TCERG1L: variants seen among roughly 807,000 people sequenced by gnomAD.
TCERG1L encodes the protein transcription elongation regulator 1-like protein.
TCERG1L carries 37 observed loss-of-function variants against 56.3 expected under a neutral mutation model. The ratio of observed to expected loss-of-function variants is 0.66; its 90% CI spans 0.51 to 0.87. The LOEUF is 0.87. Among genes scored for constraint, TCERG1L ranks in the 40% least tolerant of loss-of-function variants. The pLI is 0.00. For missense variants in TCERG1L, 799 were observed against 774.2 expected (o/e 1.03, Z -0.38); for synonymous variants, 324 against 326.3 (o/e 0.99, Z 0.08).
intron 5 of TCERG1L, 106 bp from the exon 6 acceptor site, chr10:131,163,316 T>G (rs980523276): frequency 4.4e-6 from 4 of 900,556 alleles, no homozygotes; most frequent in Non-Finnish European, 6.5e-6. Context: ...GCAGGCAGCT[T>G]ATAGTAGCCA....
chr10:131,194,005 A>C (rs1041356640), intron 4 of TCERG1L, among the ~76,000 whole-genome samples: 1 of 152,236 alleles, frequency 6.6e-6, no homozygotes, highest in Non-Finnish European at 1.5e-5. Flanking sequence ...TGAGATTCTG[A>C]TAATGTTGCC....
intron 4 of TCERG1L, among the ~76,000 whole-genome samples, chr10:131,216,652 T>TA (rs1845672335): frequency 6.6e-6 from 1 of 152,174 alleles, no homozygotes; most frequent in South Asian, 2.1e-4. Flanking sequence ...GAGAGGGGAT[T>TA]AAACATAGCT....
Position 131,239,858 on chromosome 10 carries a change from C to T in TCERG1L, c.856+20401G>A, listed in dbSNP as rs544105824. Among the ~76,000 whole-genome samples the T allele has an allele frequency of 1.1e-3, 168 of 152,326 alleles. 1 individual carries two copies. Among genetic ancestry groups the T allele is most frequent in the African/African-American group, 3.7e-3 (152 of 41,582 alleles). On this transcript the variant is annotated intron_variant, in intron 4 of 11. Transcript: ENST00000368642. ...AGGCTCCCTCATGGCCCCTAGAAAG[C>T]GTGCATTATCTTACTACAGCCCCTA...
chr10:131,204,600 C>T lies in TCERG1L; in HGVS notation c.857-37715G>A, dbSNP rs568678489. The stretch of plus-strand genomic sequence containing the variant: ...TCACTGTGTGGGCTCCAGTGGGGCA[C>T]GGAGCCAGCTCAGATCCAAAGGTGT... On this transcript the variant is annotated intron_variant, in intron 4 of 11. Coordinates refer to ENST00000368642, the MANE Select transcript of TCERG1L (RefSeq NM_174937.4). Among the ~76,000 whole-genome samples, 39 of 152,336 alleles carry T rather than the reference C, an allele frequency of 2.6e-4. 1 individual carries two copies. The South Asian group carries it at 3.3e-3, about 13-fold the overall frequency.
intron 3 of TCERG1L, among the ~76,000 whole-genome samples, chr10:131,264,058 G>GT (rs5789079): frequency 1 from 148,042 of 148,042 alleles, 74,021 homozygotes; most frequent in Non-Finnish European, 1. Context: ...AGGGAGGGCT[G>GT]AAACACGCAA....
At chr10:131,171,402 C>T (rs1846091912) in intron 4 of TCERG1L, among the ~76,000 whole-genome samples, 2 of 152,058 alleles carry the variant, frequency 1.3e-5, no homozygotes, top group African/African-American at 4.8e-5. Flanking sequence ...CCCGAGGCAC[C>T]TGTTCTCCTA....
intron 4 of TCERG1L, among the ~76,000 whole-genome samples, chr10:131,253,190 C>T (rs2918088): frequency 0.4 from 61,471 of 152,094 alleles, 13,320 homozygotes; most frequent in African/African-American, 0.56. Context: ...TCGCAGCCAC[C>T]GGGTGATTGA....
At chr10:131,214,260 G>C (rs78629884) in intron 4 of TCERG1L, among the ~76,000 whole-genome samples, 1 of 152,034 alleles carries the variant, frequency 6.6e-6, no homozygotes, top group African/African-American at 2.4e-5. Context: ...TCCACTGCAC[G>C]CCCTGCCCCC....
chr10:131,185,906 C>G (rs559514726), intron 4 of TCERG1L, among the ~76,000 whole-genome samples: 7 of 152,150 alleles, frequency 4.6e-5, no homozygotes, highest in Non-Finnish European at 8.8e-5. Context: ...TACTTTTAAA[C>G]AAATGTTCAC....
intron 9 of TCERG1L, among the ~76,000 whole-genome samples, chr10:131,114,870 C>A (rs1845439642): frequency 6.6e-6 from 1 of 152,234 alleles, no homozygotes; most frequent in African/African-American, 2.4e-5. Context: ...TTTCAGCAAA[C>A]ACGAGTCATG....
chr10:131,108,575 A>G (rs1161302816), intron 9 of TCERG1L, among the ~76,000 whole-genome samples: 3 of 152,198 alleles, frequency 2.0e-5, no homozygotes, highest in Non-Finnish European at 4.4e-5. Context: ...GCGGCTGACC[A>G]GTGCCCAGTG....
intron 11 of TCERG1L, among the ~76,000 whole-genome samples, chr10:131,094,756 TGTAACC>T (rs1286015210): frequency 2.0e-5 from 3 of 152,126 alleles, no homozygotes; most frequent in African/African-American, 7.2e-5. Flanking sequence ...CCTTTACTGA[TGTAACC>T]ACCTTGGTGT....
intron 4 of TCERG1L, among the ~76,000 whole-genome samples, chr10:131,169,277 C>A (rs930746454): frequency 1.3e-5 from 2 of 148,306 alleles, no homozygotes; most frequent in Non-Finnish European, 3.0e-5. Flanking sequence ...CAGATGGGGA[C>A]ACAGCCATGC....
chr10:131,100,202 A>G (rs1798100401), intron 10 of TCERG1L, among the ~76,000 whole-genome samples: 1 of 152,222 alleles, frequency 6.6e-6, no homozygotes, highest in South Asian at 2.1e-4. Context: ...GCAAATAGCA[A>G]TGTAAGTTCT....
At chr10:131,289,777 T>TGTGTGA (rs1846590880) in intron 3 of TCERG1L, among the ~76,000 whole-genome samples, 1 of 45,502 alleles carries the variant, frequency 2.2e-5, no homozygotes, top group African/African-American at 6.0e-5. Context: ...CCTATCGGTG[T>TGTGTGA]GAGTGTATGT....
At chr10:131,110,718 T>C (rs1183327655) in intron 9 of TCERG1L, among the ~76,000 whole-genome samples, 1 of 152,204 alleles carries the variant, frequency 6.6e-6, no homozygotes, top group Non-Finnish European at 1.5e-5. Flanking sequence ...AGTCCCGGCT[T>C]CACCAAAAGC....
At chr10:131,108,102 G>A (rs1175015167) in intron 9 of TCERG1L, among the ~76,000 whole-genome samples, 2 of 152,146 alleles carry the variant, frequency 1.3e-5, no homozygotes, top group South Asian at 2.1e-4. Context: ...CGTCTATGTC[G>A]TGGGACTGTT....
At chr10:131,147,122 A>G (rs1340891255) in intron 6 of TCERG1L, among the ~76,000 whole-genome samples, 2 of 152,152 alleles carry the variant, frequency 1.3e-5, no homozygotes, top group Non-Finnish European at 2.9e-5. Flanking sequence ...GCCACAGGTC[A>G]TTACCCTCCG....
At chr10:131,273,049 T>A (rs1846355362) in intron 3 of TCERG1L, among the ~76,000 whole-genome samples, 1 of 152,018 alleles carries the variant, frequency 6.6e-6, no homozygotes, top group Non-Finnish European at 1.5e-5. Context: ...CAGCAGGGAG[T>A]TGGGGTCCAC....
Sources: gnomAD v4.1 joint callset for allele counts (sites outside exome capture counted in the v4.1 genomes callset) on GRCh38, gnomAD v4.1.1 for gene constraint, MANE v1.5 for transcripts, NCBI Gene and HGNC (gene_info 2026-07-23, HGNC 2026-07-21) for gene names.